ROBO2: variants seen among roughly 807,000 people sequenced by gnomAD.
ROBO2 encodes the protein roundabout homolog 2.
ROBO2 carries 53 observed loss-of-function variants against 160.8 expected under a neutral mutation model. The observed-to-expected ratio is 0.33, with a 90% confidence interval of 0.26 to 0.41. The LOEUF (loss-of-function observed/expected upper bound fraction) is 0.41. ROBO2 is among the 10% of genes least tolerant of loss of function. The probability of loss-of-function intolerance (pLI) is 1.00; values close to 1 mark genes in which losing one functional copy is unlikely to be tolerated. For synonymous variants in ROBO2, 664 were observed against 611.7 expected, an observed-to-expected ratio of 1.09 and a Z score of -1.26; for missense variants, 1,577 against 1,722.4, an observed-to-expected ratio of 0.92 and a Z score of 1.49.
At chr3:76,992,787 G>A (rs900434698) in intron 2 of ROBO2, among the ~76,000 whole-genome samples, 4 of 151,922 alleles carry the variant, frequency 2.6e-5, no homozygotes, top group African/African-American at 9.7e-5. Flanking sequence ...TTCTACCACA[G>A]TCATTCTAAA....
rs1238731791 is a variant in ROBO2 at position 76,394,700 on chromosome 3, T to C, written c.109+457098T>C. ...AATCCTAGTCTCTGATAAAACAGAC[T>C]TGAAACCACCAACGATCAAAAGAGA... On this transcript the variant is annotated intron_variant, in intron 2 of 26. Transcript: ENST00000487694. 2.6e-5 allele frequency among the ~76,000 whole-genome samples: 4 copies of C among 152,084 alleles called. No individual in the cohort carries two copies. The East Asian group carries it at 7.7e-4, about 29-fold the overall frequency.
intron 2 of ROBO2, among the ~76,000 whole-genome samples, chr3:77,291,875 A>G: frequency 6.6e-6 from 1 of 152,024 alleles, no homozygotes; most frequent in East Asian, 1.9e-4. Flanking sequence ...ACATAAAGTA[A>G]AATTGATGGA....
At position 77,040,644 on chromosome 3, in the gene ROBO2, T is replaced by TG; in HGVS notation, c.-141dup. ...CCTCTCCACCAACCCCTTCTGATCTTGCGATTTGCTCTTCTTGACTTTAAT... is the reference window on the plus strand; with the variant it reads ...CCTCTCCACCAACCCCTTCTGATCTTGGCGATTTGCTCTTCTTGACTTTAAT... On this transcript the variant is annotated 5_prime_UTR_variant, in exon 1 of 26. It introduces an in-frame stop codon into an upstream open reading frame of the 5' UTR. Transcript: ENST00000461745. The TG allele has an allele frequency of 6.5e-7, 1 of 1,540,354 alleles. No homozygotes were observed. Among genetic ancestry groups the TG allele is most frequent in the Non-Finnish European group, 8.7e-7 (1 of 1,150,060 alleles).
chr3:75,920,448 A>G (rs1234663891), intron 1 of ROBO2, among the ~76,000 whole-genome samples: 5 of 152,112 alleles, frequency 3.3e-5, no homozygotes, highest in Non-Finnish European at 7.4e-5. Flanking sequence ...TTTACTTCCA[A>G]TTATGTGGTT....
intron 2 of ROBO2, among the ~76,000 whole-genome samples, chr3:76,533,894 A>G (rs1353377836): frequency 6.6e-6 from 1 of 151,970 alleles, no homozygotes; most frequent in Admixed American, 6.6e-5. Flanking sequence ...GGTCATATGG[A>G]GGGTCAATCG....
At chr3:76,359,914 A>G (rs1354493967) in intron 2 of ROBO2, among the ~76,000 whole-genome samples, 1 of 152,082 alleles carries the variant, frequency 6.6e-6, no homozygotes, top group East Asian at 1.9e-4. Context: ...AATATGACAC[A>G]GAAACATGAC....
chr3:77,477,304 C>G, intron 2 of ROBO2, 110 bp from the exon 3 acceptor site: 1 of 1,091,758 alleles, frequency 9.2e-7, no homozygotes, highest in Non-Finnish European at 1.4e-6. Flanking sequence ...AGTAAAAATC[C>G]AGGCAATTTT....
chr3:76,538,849 G>GA (rs1234196411), intron 2 of ROBO2, among the ~76,000 whole-genome samples: 1 of 152,054 alleles, frequency 6.6e-6, no homozygotes, highest in Non-Finnish European at 1.5e-5. Flanking sequence ...GCAGTATTTG[G>GA]AAAACCAAAC....
intron 1 of ROBO2, among the ~76,000 whole-genome samples, chr3:75,922,914 T>C (rs1471927106): frequency 6.6e-6 from 1 of 152,206 alleles, no homozygotes. Context: ...TGTTCATACC[T>C]GGATAATATG....
intron 2 of ROBO2, among the ~76,000 whole-genome samples, chr3:76,153,229 G>C (rs751031672): frequency 1.4e-4 from 21 of 152,112 alleles, no homozygotes; most frequent in Non-Finnish European, 2.4e-4. Flanking sequence ...ACAGTGTGTG[G>C]AGCAAGCTGC....
chr3:77,641,477 C>T (rs1208015217), intron 24 of ROBO2, among the ~76,000 whole-genome samples: 1 of 152,098 alleles, frequency 6.6e-6, no homozygotes, highest in Non-Finnish European at 1.5e-5. Context: ...ATACTTTTTC[C>T]TTCTAAATTT....
chr3:76,583,609 C>T (rs568227637), intron 2 of ROBO2, among the ~76,000 whole-genome samples: 2 of 152,210 alleles, frequency 1.3e-5, no homozygotes, highest in African/African-American at 4.8e-5. Context: ...AATACTTTCT[C>T]TGCCCTTCAC....
intron 2 of ROBO2, among the ~76,000 whole-genome samples, chr3:75,989,892 C>A (rs985865910): frequency 6.6e-6 from 1 of 152,150 alleles, no homozygotes; most frequent in African/African-American, 2.4e-5. Flanking sequence ...CCATTTTTGG[C>A]GATGTTTCTG....
intron 2 of ROBO2, among the ~76,000 whole-genome samples, chr3:76,843,072 T>A (rs1184753722): frequency 6.6e-6 from 1 of 152,046 alleles, no homozygotes; most frequent in Non-Finnish European, 1.5e-5. Flanking sequence ...TGAGGGAGTC[T>A]TTATCCCATT....
intron 14 of ROBO2, among the ~76,000 whole-genome samples, chr3:77,577,157 G>C (rs556493476): frequency 2.6e-5 from 4 of 151,940 alleles, no homozygotes; most frequent in Non-Finnish European, 5.9e-5. Flanking sequence ...CTGTAAAACC[G>C]AGATAAGAGT....
At chr3:75,966,458 C>G (rs1949118533) in intron 2 of ROBO2, among the ~76,000 whole-genome samples, 1 of 151,626 alleles carries the variant, frequency 6.6e-6, no homozygotes, top group Non-Finnish European at 1.5e-5. Flanking sequence ...GCCTATTTTT[C>G]TGGGCTTCCA....
At chr3:76,845,281 A>C (rs922640244) in intron 2 of ROBO2, among the ~76,000 whole-genome samples, 5 of 152,018 alleles carry the variant, frequency 3.3e-5, no homozygotes, top group Non-Finnish European at 5.9e-5. Flanking sequence ...ATGTTATCTG[A>C]GACGTTTAAA....
chr3:76,800,707 A>C (rs2064131539), intron 2 of ROBO2, among the ~76,000 whole-genome samples: 1 of 152,224 alleles, frequency 6.6e-6, no homozygotes, highest in Admixed American at 6.5e-5. Context: ...GCTTATATGC[A>C]AAAGGCAGGC....
intron 2 of ROBO2, among the ~76,000 whole-genome samples, chr3:76,762,814 C>T (rs1170466773): frequency 6.6e-6 from 1 of 151,670 alleles, no homozygotes; most frequent in Admixed American, 6.6e-5. Flanking sequence ...AAAAGAGATG[C>T]AGAATATGGT....
Sources: allele counts gnomAD v4.1 joint callset (sites outside exome capture counted in the v4.1 genomes callset), GRCh38; gene constraint gnomAD v4.1.1; transcripts MANE v1.5; gene names NCBI Gene and HGNC (gene_info 2026-07-23, HGNC 2026-07-21).